Variants in XRCC4 observed in about 807,000 individuals in gnomAD.
XRCC4 encodes the protein X-ray repair cross complementing 4, also known as DNA repair protein XRCC4.
XRCC4 carries 28 observed loss-of-function variants against 39.1 expected under a neutral mutation model. The ratio of observed to expected loss-of-function variants is 0.72; its 90% CI spans 0.53 to 0.98. XRCC4 has a LOEUF of 0.98. Among genes scored for constraint, XRCC4 ranks in the 50% least tolerant of loss-of-function variants. The pLI, the probability that XRCC4 is intolerant of heterozygous loss-of-function variation, is 0.00. For missense variants in XRCC4, 350 were observed against 376.4 expected (o/e 0.93, Z 0.58); for synonymous variants, 123 against 126.4 (o/e 0.97, Z 0.18).
chr5:83,094,557 C>T (rs956947994), intron 1 of XRCC4, among the ~76,000 whole-genome samples: 1 of 151,464 alleles, frequency 6.6e-6, no homozygotes, highest in Non-Finnish European at 1.5e-5. Flanking sequence ...TCAGTTTAGT[C>T]GTTGTATTCT....
At chr5:83,187,438 T>C (rs1255438476) in intron 3 of XRCC4, among the ~76,000 whole-genome samples, 1 of 152,212 alleles carries the variant, frequency 6.6e-6, no homozygotes, top group Non-Finnish European at 1.5e-5. Flanking sequence ...CCCACTTTAC[T>C]GTGGAAGGTA....
intron 3 of XRCC4, among the ~76,000 whole-genome samples, chr5:83,189,220 T>C (rs1168454488): frequency 6.6e-6 from 1 of 152,226 alleles, no homozygotes; most frequent in Non-Finnish European, 1.5e-5. Flanking sequence ...TGAATATTTA[T>C]AGCCCTTCAA....
rs28360083 is a variant in XRCC4, at chr5:83,150,342, C to G, written c.315+39139C>G. Among the ~76,000 whole-genome samples, 1,288 of 152,120 alleles carry G rather than the reference C, an allele frequency of 8.5e-3. 24 individuals are homozygous for G. The highest frequency in any genetic ancestry group is 0.029 in the African/African-American group (1,221 of 41,498). On this transcript the variant is annotated intron_variant, in intron 3 of 7. Coordinates refer to ENST00000396027, the MANE Select transcript of XRCC4 (RefSeq NM_003401.5). ...TGTCTCATAATGAAGTCAGTGTATTCCTTTTTTGGGGGAAGCTTCTTAATG... is the reference window on the plus strand; with the variant it reads ...TGTCTCATAATGAAGTCAGTGTATTGCTTTTTTGGGGGAAGCTTCTTAATG...
intron 3 of XRCC4, among the ~76,000 whole-genome samples, chr5:83,163,663 G>GTA (rs1173722027): frequency 6.6e-6 from 1 of 152,182 alleles, no homozygotes; most frequent in Non-Finnish European, 1.5e-5. Context: ...GTCTGGAATT[G>GTA]TATATAGCTA....
At chr5:83,079,837 C>G (rs1477590496) in intron 1 of XRCC4, among the ~76,000 whole-genome samples, 1 of 151,982 alleles carries the variant, frequency 6.6e-6, no homozygotes, top group Non-Finnish European at 1.5e-5. Context: ...CCACGTCTGG[C>G]CTGTTCAAAA....
At chr5:83,326,487 G>A (rs1400290055) in intron 7 of XRCC4, among the ~76,000 whole-genome samples, 1 of 151,980 alleles carries the variant, frequency 6.6e-6, no homozygotes, top group Non-Finnish European at 1.5e-5. Context: ...ATGATTAAAA[G>A]AAATTTTAAA....
At chr5:83,191,203 A>T (rs1750676128) in intron 3 of XRCC4, among the ~76,000 whole-genome samples, 1 of 152,220 alleles carries the variant, frequency 6.6e-6, no homozygotes, top group South Asian at 2.1e-4. Context: ...AATACATTGT[A>T]TGAGACTGAA....
In XRCC4 at chr5:83,084,061, A is replaced by G. The variant is rs945799309; in HGVS notation, c.-11+6446A>G. Among the ~76,000 whole-genome samples, 4 of 151,682 alleles carry G rather than the reference A, an allele frequency of 2.6e-5. No homozygotes were observed. The South Asian group carries it at 8.3e-4, about 31-fold the overall frequency. On this transcript the variant is annotated intron_variant, in intron 1 of 7. Coordinates refer to ENST00000396027, the MANE Select transcript of XRCC4 (RefSeq NM_003401.5). ...GTGTCTTACTGATCTTTGGGATATC[A>G]AATCCTGGTACATAGGAAGTAATCA... is the stretch of plus-strand genomic sequence containing the variant.
chr5:83,191,907 G>A (rs879227529), intron 3 of XRCC4, among the ~76,000 whole-genome samples: 1 of 152,010 alleles, frequency 6.6e-6, no homozygotes, highest in Admixed American at 6.6e-5. Flanking sequence ...CTAATACATA[G>A]GCTAACTTAG....
chr5:83,322,510 G>C (rs1162068133), intron 7 of XRCC4, among the ~76,000 whole-genome samples: 4 of 152,084 alleles, frequency 2.6e-5, no homozygotes, highest in Non-Finnish European at 5.9e-5. Context: ...CCCAACCGCC[G>C]CATGCGCATG....
chr5:83,307,855 G>A (rs1755542048), intron 7 of XRCC4, among the ~76,000 whole-genome samples: 1 of 152,166 alleles, frequency 6.6e-6, no homozygotes, highest in Admixed American at 6.5e-5. Context: ...TGGCTTTCTA[G>A]AACCATATGG....
rs1030471161 is a variant in XRCC4, at chr5:83,134,495, A to T, written c.315+23292A>T. 4.6e-5 allele frequency among the ~76,000 whole-genome samples: 7 copies of T among 152,208 alleles called. No homozygotes were observed. The East Asian group carries it at 1.2e-3, about 25-fold the overall frequency. ...CTAGCTAAAGGTTTGTACACGCATC[A>T]ATCAGCACTCTCTCAAAACAGACCA... On this transcript the variant is annotated intron_variant, in intron 3 of 7. Transcript: ENST00000396027.
chr5:83,180,456 A>C (rs1199962398), intron 3 of XRCC4, among the ~76,000 whole-genome samples: 4 of 152,174 alleles, frequency 2.6e-5, no homozygotes, highest in African/African-American at 9.7e-5. Context: ...CAAATTTTTA[A>C]GTGCTCGCTC....
At chr5:83,254,919 T>G (rs1402413040) in intron 6 of XRCC4, among the ~76,000 whole-genome samples, 1 of 151,900 alleles carries the variant, frequency 6.6e-6, no homozygotes, top group Non-Finnish European at 1.5e-5. Flanking sequence ...AAACCGTGTC[T>G]CTACTAAAAA....
chr5:83,116,778 T>C (rs563190931), intron 3 of XRCC4, among the ~76,000 whole-genome samples: 1 of 152,086 alleles, frequency 6.6e-6, no homozygotes, highest in East Asian at 1.9e-4. Context: ...CATGTCACCA[T>C]GCCCAGCTGA....
intron 3 of XRCC4, among the ~76,000 whole-genome samples, chr5:83,121,603 C>T (rs1345337462): frequency 6.6e-6 from 1 of 152,082 alleles, no homozygotes; most frequent in Non-Finnish European, 1.5e-5. Flanking sequence ...ATTTGGGTTG[C>T]TTATTTTCTT....
intron 3 of XRCC4, among the ~76,000 whole-genome samples, chr5:83,135,123 C>A (rs942711616): frequency 6.6e-6 from 1 of 152,220 alleles, no homozygotes; most frequent in African/African-American, 2.4e-5. Context: ...TACCGTCTGT[C>A]ATGGCATCCC....
chr5:83,096,891 C>T (rs2112339763), intron 1 of XRCC4, among the ~76,000 whole-genome samples: 1 of 151,460 alleles, frequency 6.6e-6, no homozygotes, highest in East Asian at 1.9e-4. Flanking sequence ...TTCTAGTTTC[C>T]CACAGTCCCA....
intron 3 of XRCC4, among the ~76,000 whole-genome samples, chr5:83,125,042 A>G (rs1747191934): frequency 6.6e-6 from 1 of 152,288 alleles, no homozygotes; most frequent in South Asian, 2.1e-4. Flanking sequence ...TAGGTGTGTT[A>G]TGGTATCTTA....
Sources: gnomAD v4.1 joint callset for allele counts (sites outside exome capture counted in the v4.1 genomes callset) on GRCh38, gnomAD v4.1.1 for gene constraint, MANE v1.5 for transcripts, NCBI Gene and HGNC (gene_info 2026-07-23, HGNC 2026-07-21) for gene names.